FOXP1: variants seen among roughly 807,000 people sequenced by gnomAD.
FOXP1 encodes the protein forkhead box P1, also known as forkhead box protein P1.
A neutral mutation model predicts 98.2 loss-of-function variants in FOXP1; 15 were observed. That is an observed-to-expected ratio of 0.15 (90% CI 0.10 to 0.24). FOXP1 has a LOEUF of 0.24. Ranked by LOEUF, FOXP1 falls within the 10% of genes least tolerant of loss-of-function variation. The pLI, the probability that FOXP1 is intolerant of heterozygous loss-of-function variation, is 1.00. For synonymous variants in FOXP1, 371 were observed against 314.5 expected (o/e 1.18, Z -1.90); for missense variants, 633 against 848.5 (o/e 0.75, Z 3.15).
intron 2 of FOXP1, among the ~76,000 whole-genome samples, chr3:71,541,739 A>G (rs1347574410): frequency 6.6e-6 from 1 of 152,242 alleles, no homozygotes; most frequent in African/African-American, 2.4e-5. Context: ...CTCTGTTACA[A>G]GAAGATGAAA....
intron 6 of FOXP1, among the ~76,000 whole-genome samples, chr3:71,169,281 T>G (rs1387978710): frequency 1.3e-5 from 2 of 152,204 alleles, no homozygotes; most frequent in African/African-American, 4.8e-5. Flanking sequence ...TAGCGTCTTC[T>G]AAACAACTCC....
At chr3:71,405,322 A>G (rs1298319389) in intron 3 of FOXP1, among the ~76,000 whole-genome samples, 2 of 152,252 alleles carry the variant, frequency 1.3e-5, no homozygotes, top group Non-Finnish European at 2.9e-5. Flanking sequence ...AGTTAGCCAG[A>G]CATCAGGGGA....
chr3:71,114,437 C>T lies in FOXP1; in HGVS notation c.181-1800G>A, dbSNP rs146967523. ...AAAAGGACACGCTCACTGAACTGTG[C>T]TCATAACTAGAGTTGTAACAAATAA... On this transcript the variant is annotated intron_variant, in intron 6 of 20. Transcript: ENST00000649528. Among the ~76,000 whole-genome samples the T allele has an allele frequency of 7.9e-5, 12 of 152,302 alleles. No homozygotes were observed. In the East Asian group the frequency reaches 2.3e-3, roughly 29 times the overall value.
chr3:71,127,711 T>C (rs527530972), intron 6 of FOXP1, among the ~76,000 whole-genome samples: 1 of 152,206 alleles, frequency 6.6e-6, no homozygotes, highest in Non-Finnish European at 1.5e-5. Context: ...AAATTGTAAA[T>C]GATTTTAACA....
intron 6 of FOXP1, among the ~76,000 whole-genome samples, chr3:71,124,588 TG>T (rs2059020625): frequency 6.6e-6 from 1 of 150,810 alleles, no homozygotes; most frequent in African/African-American, 2.4e-5. Flanking sequence ...TGCAAGTGTG[TG>T]GTGCACATAT....
At chr3:71,221,768 T>C (rs982381494) in intron 5 of FOXP1, among the ~76,000 whole-genome samples, 1 of 152,200 alleles carries the variant, frequency 6.6e-6, no homozygotes, top group Non-Finnish European at 1.5e-5. Context: ...AAGGGTCCTG[T>C]CTCTATGTTT....
At chr3:71,563,251 C>T (rs1315867071) in intron 2 of FOXP1, among the ~76,000 whole-genome samples, 1 of 152,170 alleles carries the variant, frequency 6.6e-6, no homozygotes, top group Non-Finnish European at 1.5e-5. Flanking sequence ...GTTTCAGATG[C>T]TTTCTTACTA....
intron 3 of FOXP1, among the ~76,000 whole-genome samples, chr3:71,395,849 C>T (rs971912790): frequency 4.6e-5 from 7 of 151,936 alleles, no homozygotes; most frequent in African/African-American, 1.2e-4. Context: ...GTCAATGTTG[C>T]GCAAATTTCC....
At chr3:71,232,314 T>C (rs558151206) in intron 5 of FOXP1, among the ~76,000 whole-genome samples, 1 of 152,312 alleles carries the variant, frequency 6.6e-6, no homozygotes, top group South Asian at 2.1e-4. Flanking sequence ...GAGAGGAAGA[T>C]TCATAGGCCA....
intron 3 of FOXP1, among the ~76,000 whole-genome samples, chr3:71,394,790 A>G (rs370045005): frequency 6.6e-6 from 1 of 152,112 alleles, no homozygotes; most frequent in East Asian, 1.9e-4. Flanking sequence ...TTTCACTATT[A>G]TGGCTCTTAA....
At position 70,958,737 on chromosome 3, in the gene FOXP1, C is replaced by CAA. The variant is rs10633687; in HGVS notation, c.*508_*509dup. ...AGGCCTTCCCCATCCCAACTGGAAG[C>CAA]AAAAAAAAAAAAAAAAAAAAAAAAA... On this transcript the variant is annotated 3_prime_UTR_variant, in exon 21 of 21. Transcript: ENST00000649528. The CAA allele has an allele frequency of 4.9e-3, 119 of 24,058 alleles. 17 individuals carry two copies. Among genetic ancestry groups the CAA allele is most frequent in the East Asian group, 9.1e-3 (9 of 992 alleles). The allele number at this position is 24,058 out of a possible 1,614,324, so 1.5% of individuals were successfully genotyped here.
chr3:71,125,010 A>G (rs1180747461), intron 6 of FOXP1, among the ~76,000 whole-genome samples: 1 of 152,256 alleles, frequency 6.6e-6, no homozygotes, highest in Non-Finnish European at 1.5e-5. Context: ...ATCTGCAGTT[A>G]CACAGATGAC....
intron 3 of FOXP1, among the ~76,000 whole-genome samples, chr3:71,423,665 G>A (rs951957890): frequency 6.6e-6 from 1 of 152,204 alleles, no homozygotes; most frequent in Non-Finnish European, 1.5e-5. Context: ...GCCAACACAG[G>A]GGCCTCCCAG....
intron 5 of FOXP1, among the ~76,000 whole-genome samples, chr3:71,237,071 A>G (rs1436568781): frequency 8.6e-5 from 13 of 150,630 alleles, no homozygotes; most frequent in Non-Finnish European, 1.9e-4. Context: ...GCCTCTACTA[A>G]AAATACAAAA....
intron 5 of FOXP1, among the ~76,000 whole-genome samples, chr3:71,234,159 TAAA>T (rs11362569): frequency 6.7e-5 from 10 of 149,036 alleles, no homozygotes; most frequent in African/African-American, 2.2e-4. Flanking sequence ...ATATTATAAG[TAAA>T]AAAAAAAAAT....
intron 11 of FOXP1, among the ~76,000 whole-genome samples, chr3:71,030,738 T>C (rs774776680): frequency 6.6e-6 from 1 of 152,226 alleles, no homozygotes; most frequent in Non-Finnish European, 1.5e-5. Flanking sequence ...TTTCTTTTTA[T>C]TTCTGTCTGT....
At chr3:71,019,969 T>TC (rs949927299) in intron 11 of FOXP1, among the ~76,000 whole-genome samples, 1 of 152,192 alleles carries the variant, frequency 6.6e-6, no homozygotes, top group Non-Finnish European at 1.5e-5. Context: ...GGCTATACAT[T>TC]CAACTGGTGT....
chr3:71,377,173 A>G (rs2079784293), intron 3 of FOXP1, among the ~76,000 whole-genome samples: 1 of 152,198 alleles, frequency 6.6e-6, no homozygotes, highest in Admixed American at 6.5e-5. Flanking sequence ...TCTGTCATAC[A>G]TGTGAACTTC....
At chr3:71,433,415 C>A (rs1027312616) in intron 3 of FOXP1, among the ~76,000 whole-genome samples, 5 of 152,056 alleles carry the variant, frequency 3.3e-5, no homozygotes, top group South Asian at 2.1e-4. Context: ...CTGAAATGCA[C>A]GTGCAATTGA....
Sources: gnomAD v4.1 joint callset for allele counts (sites outside exome capture counted in the v4.1 genomes callset) on GRCh38, gnomAD v4.1.1 for gene constraint, MANE v1.5 for transcripts, NCBI Gene and HGNC (gene_info 2026-07-23, HGNC 2026-07-21) for gene names.